The following LGI1 variants were observed in gnomAD, a reference collection of about 807,000 sequenced individuals.
LGI1 encodes leucine-rich glioma-inactivated protein 1.
LGI1 carries 11 observed loss-of-function variants against 57.7 expected under a neutral mutation model. That is an observed-to-expected ratio of 0.19 (90% confidence interval 0.12 to 0.32). The LOEUF is 0.32. Among genes scored for constraint, LGI1 ranks in the 10% least tolerant of loss-of-function variants. LGI1 has a pLI of 1.00. For synonymous variants in LGI1, 222 were observed against 241.9 expected (o/e 0.92, Z 0.76); for missense variants, 422 against 661.9 (o/e 0.64, Z 3.98).
chr10:93,772,000 G>T (rs540665639), intron 2 of LGI1: 1 of 148,710 alleles, frequency 6.7e-6, no homozygotes, highest in South Asian at 2.2e-4. Flanking sequence ...AAGATTAAAC[G>T]CAAAGAAATA....
intron 5 of LGI1, chr10:93,791,170 G>T (rs1365566208): frequency 6.6e-6 from 1 of 152,210 alleles, no homozygotes; most frequent in Non-Finnish European, 1.5e-5. Flanking sequence ...GAATGATATG[G>T]TTTAATTCCA....
chr10:93,784,970 G>T (rs536689213), intron 4 of LGI1, among the ~76,000 whole-genome samples: 1 of 152,156 alleles, frequency 6.6e-6, no homozygotes, highest in Admixed American at 6.5e-5. Flanking sequence ...CTTAACAGTG[G>T]TTACTTCTGC....
chr10:93,758,741 C>T lies in LGI1; in HGVS notation c.216-19C>T. 3 of 1,592,220 alleles carry T rather than the reference C, an allele frequency of 1.9e-6. No individual in the cohort carries two copies. The highest frequency in any genetic ancestry group is 2.6e-6 in the Non-Finnish European group (3 of 1,161,582). ...GTGTGTGTCTGTTTGTTTGTTTTCT[C>T]TTTTTTGTTTTCTTTCAGATCCTTT... is the stretch of plus-strand genomic sequence containing the variant. On this transcript the variant is annotated intron_variant, in intron 1 of 7. Coordinates refer to ENST00000371418, the MANE Select transcript of LGI1 (RefSeq NM_005097.4). This position sits in a 1 kb window ranked among gnomAD's most constrained non-coding sequence, Gnocchi z 4.7.
chr10:93,780,579 G>A (rs1035876255), intron 4 of LGI1, among the ~76,000 whole-genome samples: 11 of 152,038 alleles, frequency 7.2e-5, no homozygotes, highest in African/African-American at 2.4e-4. Context: ...GTCTCCTGAC[G>A]ACCCCGTGAA....
At chr10:93,759,776 G>A (rs769823872) in intron 2 of LGI1, among the ~76,000 whole-genome samples, 99 of 152,070 alleles carry the variant, frequency 6.5e-4, no homozygotes, top group Non-Finnish European at 1.1e-3. Context: ...TGCCTTACTT[G>A]GCCATTTTGG....
At position 93,796,949 on chromosome 10, in the gene LGI1, CT is replaced by C; in HGVS notation, c.839-18del. 1 of 1,589,410 alleles carries C rather than the reference CT, an allele frequency of 6.3e-7. No homozygotes were observed. On this transcript the variant is annotated intron_variant, in intron 7 of 7. Coordinates refer to ENST00000371418, the MANE Select transcript of LGI1 (RefSeq NM_005097.4). Reference sequence around the variant, plus strand: ...AAGAGGATGGCCACACAACTAATCTCTCCTTTGTCTTTTCCCAGGCACATCC... The same window carrying C: ...AAGAGGATGGCCACACAACTAATCTCCCTTTGTCTTTTCCCAGGCACATCC...
chr10:93,795,309 G>GA (rs1449198035), intron 7 of LGI1, among the ~76,000 whole-genome samples: 1 of 152,130 alleles, frequency 6.6e-6, no homozygotes, highest in Non-Finnish European at 1.5e-5. Context: ...TGGAGGCTGG[G>GA]AACTCCATGA....
At position 93,792,918 on chromosome 10, in the gene LGI1, G is replaced by GTAC. The variant is rs752558338; in HGVS notation, c.673+8_673+10dup. The GTAC allele has an allele frequency of 5.0e-6, 8 of 1,612,702 alleles. No individual in the cohort carries two copies. The highest frequency in any genetic ancestry group is 6.8e-6 in the Non-Finnish European group (8 of 1,178,888). On this transcript the variant is annotated splice_region_variant and intron_variant, in intron 6 of 7. Coordinates refer to ENST00000371418, the MANE Select transcript of LGI1 (RefSeq NM_005097.4). ...TTTTGATTGCATCATTACAGGTAATGTACTCATCATCATTCCACCTCAAAA... is the reference window on the plus strand; with the variant it reads ...TTTTGATTGCATCATTACAGGTAATGTACTACTCATCATCATTCCACCTCAAAA...
chr10:93,761,395 T>G (rs913988245), intron 2 of LGI1, among the ~76,000 whole-genome samples: 4 of 152,214 alleles, frequency 2.6e-5, no homozygotes, highest in African/African-American at 9.6e-5. Context: ...TCAATTCGGC[T>G]TGATTGACGT....
chr10:93,790,389 A>C (rs2059926672), intron 5 of LGI1: 2 of 552,224 alleles, frequency 3.6e-6, no homozygotes, highest in African/African-American at 3.8e-5. Context: ...GCACCCAGGC[A>C]TTCCTTTGAC....
rs2059584327 is a variant in LGI1, at chr10:93,758,202, G to T, written c.58G>T (p.Ala20Ser). ...TGCCTGCATTCCCCTGAAAAGAATT[G>T]CTTATTTCCTATGTCTCTTATCTGC... ...GNACIPLKRI[A>S]YFLCLLSALL... Residue 20 changes from alanine (A) to serine (S), a missense_variant, in exon 1 of 8, where the codon GCT becomes TCT. This residue lies in a region of LGI1 where 58 missense variants were observed against 61.8 expected (regional missense o/e 0.94). Coordinates refer to ENST00000371418, the MANE Select transcript of LGI1 (RefSeq NM_005097.4). This position sits in a 1 kb window ranked among gnomAD's most constrained non-coding sequence, Gnocchi z 4.7. 6.2e-7 allele frequency: 1 copy of T among 1,614,058 alleles called. No homozygotes were observed. The highest frequency in any genetic ancestry group is 1.1e-5 in the South Asian group (1 of 91,080).
chr10:93,785,098 A>G (rs558591773), intron 4 of LGI1, among the ~76,000 whole-genome samples: 2 of 152,130 alleles, frequency 1.3e-5, no homozygotes, highest in South Asian at 2.1e-4. Context: ...GTGTGTGTAT[A>G]TGTGTGTGTG....
intron 2 of LGI1, among the ~76,000 whole-genome samples, chr10:93,766,512 C>CTTTTTTTTTTTTTTTTTTTTTTTTTTTTT (rs71031537): frequency 1.2e-5 from 1 of 84,588 alleles, no homozygotes; most frequent in Non-Finnish European, 2.1e-5. Context: ...TTATAGATCT[C>CTTTTTTTTTTTTTTTTTTTTTTTTTTTTT]TTTTTTTTTT....
In LGI1 at chr10:93,758,422, G is replaced by A; in HGVS notation, c.215+63G>A. The A allele has an allele frequency of 2.7e-6, 4 of 1,496,776 alleles. No homozygotes were observed. In the South Asian group the frequency reaches 3.4e-5, roughly 13 times the overall value. The allele number at this position is 1,496,776 out of a possible 1,614,324, so 92.7% of individuals were successfully genotyped here. On this transcript the variant is annotated intron_variant, in intron 1 of 7. Coordinates refer to ENST00000371418, the MANE Select transcript of LGI1 (RefSeq NM_005097.4). The surrounding 1 kb of genome is among the most constrained non-coding windows in gnomAD (Gnocchi z 4.7). Reference sequence around the variant, plus strand: ...TTAAAAATTCCAGCCGGTGGATTTGGGGCTTTGCATGTATTTGTAGAAGGG... The same window carrying A: ...TTAAAAATTCCAGCCGGTGGATTTGAGGCTTTGCATGTATTTGTAGAAGGG...
At chr10:93,792,209 T>A (rs2059942728) in intron 5 of LGI1, 1 of 153,630 alleles carries the variant, frequency 6.5e-6, no homozygotes, top group Admixed American at 6.4e-5. Flanking sequence ...TAAATATAGA[T>A]CACCTATTTC....
intron 2 of LGI1, among the ~76,000 whole-genome samples, chr10:93,775,781 A>G (rs1201502051): frequency 6.6e-6 from 1 of 152,214 alleles, no homozygotes; most frequent in African/African-American, 2.4e-5. Flanking sequence ...TCTTCTGGCA[A>G]CTTGGAATAT....
intron 2 of LGI1, chr10:93,764,773 G>A (rs932630801): frequency 2.6e-5 from 4 of 152,186 alleles, no homozygotes; most frequent in African/African-American, 9.7e-5. Context: ...CAAGGTTCCT[G>A]TAACTCAATA....
chr10:93,775,783 T>G (rs188605067), intron 2 of LGI1, among the ~76,000 whole-genome samples: 1 of 152,354 alleles, frequency 6.6e-6, no homozygotes, highest in African/African-American at 2.4e-5. Flanking sequence ...TTCTGGCAAC[T>G]TGGAATATGA....
intron 4 of LGI1, chr10:93,789,843 G>T (rs2059920974): frequency 6.7e-6 from 3 of 449,530 alleles, no homozygotes; most frequent in Admixed American, 7.6e-5. Flanking sequence ...CTTCACTCCA[G>T]CCTGGGTGAC....
Sources: allele counts gnomAD v4.1 joint callset (sites outside exome capture counted in the v4.1 genomes callset), GRCh38; gene constraint gnomAD v4.1.1; regional missense constraint gnomAD v4.1.1; non-coding constraint Gnocchi (gnomAD v3.1); transcripts MANE v1.5; gene names NCBI Gene and HGNC (gene_info 2026-07-23, HGNC 2026-07-21).